PTPRT: variants seen among roughly 807,000 people sequenced by gnomAD.
PTPRT encodes protein tyrosine phosphatase receptor type T.
PTPRT carries 56 observed loss-of-function variants against 176.8 expected under a neutral mutation model. The observed-to-expected ratio is 0.32, with a 90% confidence interval of 0.26 to 0.40. The LOEUF (loss-of-function observed/expected upper bound fraction) is 0.40. PTPRT is among the 10% of genes least tolerant of loss of function. The pLI, the probability that PTPRT is intolerant of heterozygous loss-of-function variation, is 1.00. For synonymous variants in PTPRT, 783 were observed against 739.0 expected, an observed-to-expected ratio of 1.06 and a Z score of -0.96; for missense variants, 1,540 against 1,908.2, an observed-to-expected ratio of 0.81 and a Z score of 3.60.
chr20:42,973,032 A>G (rs1243303006), intron 1 of PTPRT, among the ~76,000 whole-genome samples: 1 of 152,028 alleles, frequency 6.6e-6, no homozygotes, highest in Non-Finnish European at 1.5e-5. Context: ...CATGAAGAAT[A>G]CATGAAGGGT....
intron 11 of PTPRT, among the ~76,000 whole-genome samples, chr20:42,320,868 G>C (rs1293266287): frequency 6.6e-6 from 1 of 152,196 alleles, no homozygotes; most frequent in African/African-American, 2.4e-5. Flanking sequence ...AACTTTGTGT[G>C]AGGGTCAGAC....
At chr20:42,309,133 A>T (rs1242215105) in intron 12 of PTPRT, among the ~76,000 whole-genome samples, 1 of 152,218 alleles carries the variant, frequency 6.6e-6, no homozygotes, top group East Asian at 1.9e-4. Flanking sequence ...AAAGACTTTT[A>T]TCCTCTGCAT....
chr20:42,513,238 G>T (rs1156478067), intron 7 of PTPRT, among the ~76,000 whole-genome samples: 1 of 143,366 alleles, frequency 7.0e-6, no homozygotes, highest in Non-Finnish European at 1.5e-5. Flanking sequence ...GTGTGTGTGT[G>T]TTTTCCAGGT....
chr20:42,464,984 T>A lies in PTPRT; in HGVS notation c.1450+7282A>T, dbSNP rs190057121. 4.3e-3 allele frequency among the ~76,000 whole-genome samples: 660 copies of A among 152,228 alleles called. 8 individuals carry two copies. The highest frequency in any genetic ancestry group is 0.014 in the African/African-American group (575 of 41,554). ...TTACAATTCAAGTACATGAGTTTTT[T>A]AAAAAGTATGATGCTAAATGAAATA... On this transcript the variant is annotated intron_variant, in intron 8 of 30. Transcript: ENST00000373187.
At position 42,094,319 on chromosome 20, in the gene PTPRT, G is replaced by C. The variant is rs1008791036; in HGVS notation, c.3846+4102C>G. Among the ~76,000 whole-genome samples the C allele has an allele frequency of 2.0e-5, 3 of 151,320 alleles. No homozygotes were observed. The East Asian group carries it at 5.9e-4, about 30-fold the overall frequency. On this transcript the variant is annotated intron_variant, in intron 27 of 30. Coordinates refer to ENST00000373187, the MANE Select transcript of PTPRT (RefSeq NM_007050.6). ...CCTTCAGACTCCAAAACTCTGCAGG[G>C]AATGTTCCAGAACTCTCTGTTTTAT...
chr20:42,202,191 A>G (rs905646887), intron 15 of PTPRT, among the ~76,000 whole-genome samples: 1 of 152,048 alleles, frequency 6.6e-6, no homozygotes, highest in African/African-American at 2.4e-5. Flanking sequence ...GGTGGTCTTG[A>G]ACTCCTGAGC....
intron 1 of PTPRT, among the ~76,000 whole-genome samples, chr20:43,041,130 T>C (rs1986588911): frequency 2.0e-5 from 3 of 152,196 alleles, no homozygotes; most frequent in Admixed American, 6.5e-5. Context: ...CCGTCTCCAA[T>C]CACTTACCAG....
chr20:42,178,736 A>T (rs979132481), intron 16 of PTPRT, among the ~76,000 whole-genome samples: 2 of 152,186 alleles, frequency 1.3e-5, no homozygotes, highest in African/African-American at 4.8e-5. Flanking sequence ...GCTGGGAGAG[A>T]ATTCAAGTTA....
At chr20:42,659,371 C>G (rs1450740474) in intron 7 of PTPRT, among the ~76,000 whole-genome samples, 1 of 152,192 alleles carries the variant, frequency 6.6e-6, no homozygotes, top group Non-Finnish European at 1.5e-5. Flanking sequence ...TGACATATTA[C>G]AGGCATCCCA....
chr20:42,590,916 C>T (rs192186412), intron 7 of PTPRT, among the ~76,000 whole-genome samples: 1 of 144,638 alleles, frequency 6.9e-6, no homozygotes, highest in East Asian at 2.0e-4. Flanking sequence ...CTAAATGTTA[C>T]AGAGATTTAG....
chr20:42,771,618 A>T, intron 4 of PTPRT, 68 bp from the exon 5 acceptor site: 6 of 1,339,798 alleles, frequency 4.5e-6, no homozygotes, highest in Non-Finnish European at 5.4e-6. Context: ...CTATTGGTGG[A>T]TGGCAGCTCA....
chr20:42,836,088 T>C (rs1026352161), intron 2 of PTPRT, among the ~76,000 whole-genome samples: 13 of 152,080 alleles, frequency 8.5e-5, no homozygotes, highest in Non-Finnish European at 1.5e-5. Context: ...CACCTCTCCC[T>C]AGCTCTAGAA....
intron 1 of PTPRT, among the ~76,000 whole-genome samples, chr20:43,001,342 G>A (rs1429883749): frequency 1.3e-5 from 2 of 152,086 alleles, no homozygotes; most frequent in African/African-American, 2.4e-5. Flanking sequence ...AAATAGAATT[G>A]AGTCTAAATA....
intron 7 of PTPRT, among the ~76,000 whole-genome samples, chr20:42,489,346 T>A (rs2071520726): frequency 6.6e-6 from 1 of 152,054 alleles, no homozygotes; most frequent in South Asian, 2.1e-4. Flanking sequence ...CACCTGTCAC[T>A]TTCAGGACTG....
intron 26 of PTPRT, among the ~76,000 whole-genome samples, chr20:42,100,855 T>A (rs566982364): frequency 6.6e-6 from 1 of 152,342 alleles, no homozygotes; most frequent in South Asian, 2.1e-4. Context: ...TCCCTGATTC[T>A]GAACCCAGAG....
intron 11 of PTPRT, among the ~76,000 whole-genome samples, chr20:42,333,333 T>G (rs1397774104): frequency 6.6e-6 from 1 of 152,204 alleles, no homozygotes; most frequent in African/African-American, 2.4e-5. Flanking sequence ...TATTAATATG[T>G]ATAGGCTTAG....
intron 9 of PTPRT, among the ~76,000 whole-genome samples, chr20:42,356,661 A>C (rs143635553): frequency 4.1e-4 from 62 of 152,232 alleles, no homozygotes; most frequent in African/African-American, 1.4e-3. Context: ...GCGCTACTGC[A>C]CTCCAACCTG....
intron 1 of PTPRT, among the ~76,000 whole-genome samples, chr20:42,996,457 G>A (rs1009924111): frequency 4.6e-5 from 7 of 152,142 alleles, no homozygotes; most frequent in Non-Finnish European, 8.8e-5. Flanking sequence ...AGATGTATCC[G>A]TGATTGCTTC....
intron 8 of PTPRT, among the ~76,000 whole-genome samples, chr20:42,471,484 C>T: frequency 6.6e-6 from 1 of 152,198 alleles, no homozygotes; most frequent in Non-Finnish European, 1.5e-5. Flanking sequence ...AGTGTTCCTG[C>T]TCCTACTTCA....
Sources: allele counts gnomAD v4.1 joint callset (sites outside exome capture counted in the v4.1 genomes callset), GRCh38; gene constraint gnomAD v4.1.1; transcripts MANE v1.5; gene names NCBI Gene and HGNC (gene_info 2026-07-23, HGNC 2026-07-21).